Variants in HERC2 observed in about 807,000 individuals in gnomAD.
HERC2 encodes HECT and RLD domain containing E3 ubiquitin protein ligase 2.
Under a neutral mutation model 537.7 loss-of-function variants are expected in HERC2, and 102 were observed. The ratio of observed to expected loss-of-function variants is 0.19; its 90% CI spans 0.16 to 0.22. The LOEUF (loss-of-function observed/expected upper bound fraction) is 0.22. Among genes scored for constraint, HERC2 ranks in the 10% least tolerant of loss-of-function variants. The pLI is 1.00. For missense variants in HERC2, 4,236 were observed against 6,198.2 expected (o/e 0.68, Z 10.63); for synonymous variants, 2,224 against 2,466.2 (o/e 0.90, Z 2.91).
chr15:28,161,928 C>T (rs1400344442), intron 69 of HERC2, among the ~76,000 whole-genome samples: 1 of 152,168 alleles, frequency 6.6e-6, no homozygotes, highest in African/African-American at 2.4e-5. Flanking sequence ...GTTAGGGCAA[C>T]CGGTTTACCA....
In HERC2 at chr15:28,274,368, A is replaced by G. The variant is rs2075816735; in HGVS notation, c.723T>C (p.Phe241=). 6.2e-7 allele frequency: 1 copy of G among 1,614,170 alleles called. No individual in the cohort carries two copies. Among genetic ancestry groups the G allele is most frequent in the Non-Finnish European group, 8.5e-7 (1 of 1,180,012 alleles). The stretch of plus-strand genomic sequence containing the variant: ...ACACAGAGGACACGGTGCTCTCGTC[A>G]AAGAGCGAGGCCTCGGGAAGTGCTC... The part of the protein sequence containing the change: ...ALRALPEASL[F]DESTVSSVWL... The change falls in exon 7 of 93, where the codon TTT becomes TTC. Residue 241 remains phenylalanine (F), a synonymous_variant. Coordinates refer to ENST00000261609, the MANE Select transcript of HERC2 (RefSeq NM_004667.6).
At position 28,237,536 on chromosome 15, in the gene HERC2, G is replaced by A. The variant is rs545584604; in HGVS notation, c.3853-423C>T. Among the ~76,000 whole-genome samples, 6 of 152,322 alleles carry A rather than the reference G, an allele frequency of 3.9e-5. 1 individual carries two copies. The highest frequency in any genetic ancestry group is 4.1e-4 in the South Asian group (2 of 4,824). ...CTGTGACCACACATGTAGAGGAAAT[G>A]AAATTTATTCTAACAAAAATCAAAC... On this transcript the variant is annotated intron_variant, in intron 25 of 92. Transcript: ENST00000261609.
intron 55 of HERC2, chr15:28,190,098 T>C (rs1896697980): frequency 6.8e-6 from 1 of 147,806 alleles, no homozygotes; most frequent in Non-Finnish European, 1.5e-5. Context: ...AAGCTCCGCC[T>C]CCCGGGTTCA....
At chr15:28,255,370 G>A (rs1444051219) in intron 19 of HERC2, among the ~76,000 whole-genome samples, 3 of 152,024 alleles carry the variant, frequency 2.0e-5, no homozygotes, top group Admixed American at 6.6e-5. Context: ...GCAATTAAAC[G>A]TCCTTCAATA....
Position 28,273,117 on chromosome 15 carries a change from A to G in HERC2, c.801-113T>C, listed in dbSNP as rs919408988. ...CCCTCCAAAGGAAGGATGTATTTTT[A>G]ATATTTAGGATCAAGTTTCTGATAC... On this transcript the variant is annotated intron_variant, in intron 7 of 92. Transcript: ENST00000261609. 5.2e-6 allele frequency: 4 copies of G among 765,240 alleles called. No individual in the cohort carries two copies. In the African/African-American group the frequency reaches 6.9e-5, roughly 13 times the overall value. The allele number at this position is 765,240 out of a possible 1,614,324, so 47.4% of individuals were successfully genotyped here. A position where few individuals can be genotyped will look rare whatever the true frequency, so the allele number is the denominator to read the frequency against.
chr15:28,195,955 A>AT (rs1366589875), intron 52 of HERC2, among the ~76,000 whole-genome samples: 2 of 152,200 alleles, frequency 1.3e-5, no homozygotes, highest in African/African-American at 4.8e-5. Flanking sequence ...GTTTCTTGAG[A>AT]TTCTTTTAAT....
intron 4 of HERC2, among the ~76,000 whole-genome samples, chr15:28,284,070 C>G (rs192524205): frequency 3.9e-5 from 6 of 152,188 alleles, no homozygotes; most frequent in Non-Finnish European, 1.5e-5. Flanking sequence ...TAATTTTGTG[C>G]ATGAAACAAA....
Position 28,144,212 on chromosome 15 carries a change from G to T in HERC2, c.11164C>A (p.Arg3722Ser). The part of the protein sequence containing the change: ...AAGPKELLSD[R>S]CVLSCPSMDL... Reference sequence around the variant, plus strand: ...ATGGATGGACAGGAGAGGACGCAGCGGTCAGAGAGGAGTTCTTTAGGGCCT... The same window carrying T: ...ATGGATGGACAGGAGAGGACGCAGCTGTCAGAGAGGAGTTCTTTAGGGCCT... The change falls in exon 73 of 93, where the codon CGC becomes AGC. Residue 3722 changes from arginine to serine, a missense_variant. Physicochemically the swap from Arg to Ser is moderately radical, Grantham distance 110. This residue lies in a region of HERC2 where 109 missense variants were observed against 133.5 expected (regional missense o/e 0.82). Coordinates refer to ENST00000261609, the MANE Select transcript of HERC2 (RefSeq NM_004667.6). 1 of 1,614,066 alleles carries T rather than the reference G, an allele frequency of 6.2e-7. No individual in the cohort carries two copies. The highest frequency in any genetic ancestry group is 8.5e-7 in the Non-Finnish European group (1 of 1,180,034).
In HERC2 at chr15:28,117,107, G is replaced by A. The variant is rs774758576; in HGVS notation, c.13320C>T (p.Thr4440=). Residue 4440 remains threonine, a synonymous_variant, in exon 87 of 93, where the codon ACC becomes ACT. Coordinates refer to ENST00000261609, the MANE Select transcript of HERC2 (RefSeq NM_004667.6). ...SKGGLAGPDG[T]KSVFGQMCAK... ...CACACATCTGCCCAAAGACAGACTTGGTGCCGTCGGGGCCGGCCAGCCCGC... is the reference window on the plus strand; with the variant it reads ...CACACATCTGCCCAAAGACAGACTTAGTGCCGTCGGGGCCGGCCAGCCCGC... 1.1e-5 allele frequency: 18 copies of A among 1,614,102 alleles called. No individual in the cohort carries two copies. Among genetic ancestry groups the A allele is most frequent in the Non-Finnish European group, 1.5e-5 (18 of 1,179,992 alleles).
chr15:28,139,775 C>T (rs1566934422), intron 78 of HERC2, among the ~76,000 whole-genome samples: 2 of 151,806 alleles, frequency 1.3e-5, no homozygotes, highest in Non-Finnish European at 2.9e-5. Flanking sequence ...CATTAGAAAA[C>T]ATTGGCCGGG....
chr15:28,311,254 C>T (rs1255951123), intron 2 of HERC2, among the ~76,000 whole-genome samples: 1 of 151,728 alleles, frequency 6.6e-6, no homozygotes, highest in Non-Finnish European at 1.5e-5. Context: ...TGCTTGAGCC[C>T]AGGAGTTCGA....
At chr15:28,167,201 T>G (rs76512054) in intron 68 of HERC2, among the ~76,000 whole-genome samples, 10,596 of 152,258 alleles carry the variant, frequency 0.07, 891 homozygotes, top group East Asian at 0.42. Context: ...TGGAGAAACT[T>G]GGCAGAGACC....
chr15:28,316,616 T>C (rs1185697002), intron 2 of HERC2, among the ~76,000 whole-genome samples: 1 of 152,148 alleles, frequency 6.6e-6, no homozygotes, highest in Non-Finnish European at 1.5e-5. Context: ...ATATTAGAGG[T>C]AAAAACCACC....
intron 81 of HERC2, 62 bp downstream of exon 81, chr15:28,132,038 G>T: frequency 2.4e-6 from 3 of 1,275,278 alleles, no homozygotes; most frequent in Non-Finnish European, 2.0e-6. Context: ...TCCCAGAGGG[G>T]CCCTGGGGGC....
chr15:28,236,811 C>A (rs2346089), intron 26 of HERC2, 152 bp downstream of exon 26: 2 of 589,442 alleles, frequency 3.4e-6, no homozygotes, highest in African/African-American at 1.9e-5. Context: ...TGGTCTCAAA[C>A]TCTTGACCTC....
At chr15:28,125,652 A>C (rs906305281) in intron 83 of HERC2, among the ~76,000 whole-genome samples, 1 of 152,234 alleles carries the variant, frequency 6.6e-6, no homozygotes, top group Non-Finnish European at 1.5e-5. Flanking sequence ...GAAACAGAAA[A>C]GAAAAAGTCT....
intron 52 of HERC2, among the ~76,000 whole-genome samples, chr15:28,194,256 G>A (rs1288942907): frequency 4.1e-5 from 6 of 147,984 alleles, no homozygotes; most frequent in South Asian, 4.3e-4. Context: ...TAGTACAGAC[G>A]GGGTTTCACC....
chr15:28,214,677 G>A lies in HERC2; in HGVS notation c.6336C>T (p.Ser2112=), dbSNP rs780654889. 1 of 1,612,060 alleles carries A rather than the reference G, an allele frequency of 6.2e-7. No individual in the cohort carries two copies. The highest frequency in any genetic ancestry group is 8.5e-7 in the Non-Finnish European group (1 of 1,179,862). Residue 2112 remains serine, a synonymous_variant, in exon 40 of 93, where the codon TCC becomes TCT. Coordinates refer to ENST00000261609, the MANE Select transcript of HERC2 (RefSeq NM_004667.6). The part of the protein sequence containing the change: ...DFLGSLLTTC[S]SDVPLLREST... The stretch of plus-strand genomic sequence containing the variant: ...CACCTCTGAGTAATGGCACGTCAGA[G>A]GAGCAGGTAGTGAGCAAGCTTCCCA...
At chr15:28,230,304 G>A in intron 31 of HERC2, 63 bp downstream of exon 31, 1 of 1,521,064 alleles carries the variant, frequency 6.6e-7, no homozygotes, top group Non-Finnish European at 9.0e-7. Context: ...CAAGACTGTG[G>A]ATTCCTGTGC....
Sources: gnomAD v4.1 joint callset for allele counts (sites outside exome capture counted in the v4.1 genomes callset) on GRCh38, gnomAD v4.1.1 for gene constraint, gnomAD v4.1.1 regional missense constraint, MANE v1.5 for transcripts, NCBI Gene and HGNC (gene_info 2026-07-23, HGNC 2026-07-21) for gene names.